Variants in TRHDE observed in about 807,000 individuals in gnomAD.
TRHDE encodes thyrotropin-releasing hormone-degrading ectoenzyme.
A neutral mutation model predicts 125.7 loss-of-function variants in TRHDE; 72 were observed. The ratio of observed to expected loss-of-function variants is 0.57; its 90% CI spans 0.47 to 0.70. The LOEUF is 0.70. TRHDE is among the 30% of genes least tolerant of loss of function. TRHDE has a pLI of 0.00. For missense variants in TRHDE, 1,110 were observed against 1,327.1 expected (o/e 0.84, Z 2.54); for synonymous variants, 509 against 509.1 (o/e 1.00, Z 0.00).
At chr12:72,180,631 A>G (rs923130204) in intron 2 of TRHDE, among the ~76,000 whole-genome samples, 2 of 152,160 alleles carry the variant, frequency 1.3e-5, no homozygotes, top group Non-Finnish European at 2.9e-5. Context: ...CTGGATCTGA[A>G]GCTAGACTAT....
intron 1 of TRHDE, among the ~76,000 whole-genome samples, chr12:72,276,924 C>T (rs1042516154): frequency 3.9e-5 from 6 of 152,064 alleles, no homozygotes; most frequent in African/African-American, 1.2e-4. Flanking sequence ...GTAAAATGTC[C>T]GTTTACCTGA....
At chr12:72,390,700 T>A (rs1763530960) in intron 3 of TRHDE, among the ~76,000 whole-genome samples, 1 of 152,190 alleles carries the variant, frequency 6.6e-6, no homozygotes, top group African/African-American at 2.4e-5. Flanking sequence ...GTAAAGACAC[T>A]CCATGATTAC....
chr12:72,554,319 G>C (rs753905705), intron 7 of TRHDE, among the ~76,000 whole-genome samples: 7 of 151,698 alleles, frequency 4.6e-5, no homozygotes, highest in Non-Finnish European at 7.4e-5. Context: ...TCGTTTATTT[G>C]TTTTATATCA....
intron 2 of TRHDE, among the ~76,000 whole-genome samples, chr12:72,312,292 T>C (rs1868582236): frequency 6.6e-6 from 1 of 152,176 alleles, no homozygotes; most frequent in African/African-American, 2.4e-5. Flanking sequence ...GCTAAATGTA[T>C]TGGTATTGTT....
intron 2 of TRHDE, among the ~76,000 whole-genome samples, chr12:72,127,885 A>G (rs998923209): frequency 6.6e-6 from 1 of 152,040 alleles, no homozygotes. Context: ...GTGTGTGTAT[A>G]TATATACACA....
At chr12:72,153,590 G>C (rs1241120350) in intron 2 of TRHDE, among the ~76,000 whole-genome samples, 1 of 152,140 alleles carries the variant, frequency 6.6e-6, no homozygotes, top group African/African-American at 2.4e-5. Context: ...ATTCTGGTAT[G>C]TTGTGTCTTT....
intron 6 of TRHDE, among the ~76,000 whole-genome samples, chr12:72,528,227 A>G (rs1263114171): frequency 6.6e-6 from 1 of 152,218 alleles, no homozygotes. Context: ...TTATGCAAGC[A>G]TCTTTTAAAA....
intron 2 of TRHDE, among the ~76,000 whole-genome samples, chr12:72,349,964 A>G (rs1042872889): frequency 6.6e-6 from 1 of 151,994 alleles, no homozygotes; most frequent in Non-Finnish European, 1.5e-5. Context: ...AAAATAAAAG[A>G]GATACTGGAT....
chr12:72,478,344 T>C (rs1371142734), intron 5 of TRHDE, among the ~76,000 whole-genome samples: 1 of 152,102 alleles, frequency 6.6e-6, no homozygotes, highest in Admixed American at 6.6e-5. Context: ...GGAATCCCAG[T>C]CTTTGAAATG....
At chr12:72,180,033 A>C (rs141924409) in intron 2 of TRHDE, among the ~76,000 whole-genome samples, 26 of 151,946 alleles carry the variant, frequency 1.7e-4, no homozygotes, top group African/African-American at 6.3e-4. Context: ...TTAGTAATTG[A>C]TATTACTACT....
At chr12:72,363,259 C>G (rs911419295) in intron 2 of TRHDE, among the ~76,000 whole-genome samples, 3 of 151,820 alleles carry the variant, frequency 2.0e-5, no homozygotes, top group Non-Finnish European at 4.4e-5. Context: ...GGAATCCTCC[C>G]CAACTCATTT....
At chr12:72,195,297 C>T (rs1877419503) in intron 2 of TRHDE, among the ~76,000 whole-genome samples, 1 of 152,126 alleles carries the variant, frequency 6.6e-6, no homozygotes, top group African/African-American at 2.4e-5. Flanking sequence ...AAGGGTAGTT[C>T]TGTTTTAAAT....
chr12:72,640,204 T>C (rs1873988185), intron 15 of TRHDE, among the ~76,000 whole-genome samples: 1 of 152,232 alleles, frequency 6.6e-6, no homozygotes, highest in Non-Finnish European at 1.5e-5. Context: ...CACAATCTCC[T>C]GGTGTGCTGT....
At chr12:72,648,267 A>G (rs577475150) in intron 15 of TRHDE, among the ~76,000 whole-genome samples, 156 of 152,266 alleles carry the variant, frequency 1.0e-3, no homozygotes, top group Non-Finnish European at 1.7e-3. Flanking sequence ...TTAAGGCCAT[A>G]TATGAAAAGC....
At chr12:72,233,739 A>G (rs1463014147) in intron 2 of TRHDE, among the ~76,000 whole-genome samples, 1 of 152,208 alleles carries the variant, frequency 6.6e-6, no homozygotes, top group Non-Finnish European at 1.5e-5. Flanking sequence ...GAACATGTGC[A>G]ATAAATAATA....
At chr12:72,510,556 C>T (rs191251453) in intron 6 of TRHDE, among the ~76,000 whole-genome samples, 22 of 152,222 alleles carry the variant, frequency 1.4e-4, no homozygotes, top group African/African-American at 5.1e-4. Context: ...ATGGGATTCA[C>T]ATCTTATTGT....
intron 17 of TRHDE, 137 bp from the exon 18 acceptor site, chr12:72,656,790 T>C: frequency 1.6e-6 from 1 of 645,146 alleles, no homozygotes; most frequent in Non-Finnish European, 2.8e-6. Context: ...AGAAATGGGC[T>C]TGAGTGCTCA....
intron 15 of TRHDE, among the ~76,000 whole-genome samples, chr12:72,646,026 A>G (rs1370079697): frequency 6.6e-6 from 1 of 152,134 alleles, no homozygotes; most frequent in African/African-American, 2.4e-5. Context: ...TAGCATAAGA[A>G]AGTATGAAAC....
intron 2 of TRHDE, among the ~76,000 whole-genome samples, chr12:72,174,803 T>C (rs1210819397): frequency 6.6e-6 from 1 of 152,212 alleles, no homozygotes; most frequent in Admixed American, 6.5e-5. Flanking sequence ...GGTATTAACT[T>C]TGTCATTTCA....
Sources: gnomAD v4.1 joint callset for allele counts (sites outside exome capture counted in the v4.1 genomes callset) on GRCh38, gnomAD v4.1.1 for gene constraint, MANE v1.5 for transcripts, NCBI Gene and HGNC (gene_info 2026-07-23, HGNC 2026-07-21) for gene names.